The following SLAMF1 variants were observed in gnomAD, a reference collection of about 807,000 sequenced individuals.
SLAMF1 encodes the protein signaling lymphocytic activation molecule.
Under a neutral mutation model 35.1 loss-of-function variants are expected in SLAMF1, and 18 were observed. The observed-to-expected ratio is 0.51, with a 90% confidence interval of 0.35 to 0.76. SLAMF1 has a LOEUF of 0.76. SLAMF1 is among the 30% of genes least tolerant of loss of function. The probability of loss-of-function intolerance (pLI) is 0.01; values close to 1 mark genes in which losing one functional copy is unlikely to be tolerated. For missense variants in SLAMF1, 392 were observed against 413.0 expected, an observed-to-expected ratio of 0.95 and a Z score of 0.44; for synonymous variants, 168 against 157.2, an observed-to-expected ratio of 1.07 and a Z score of -0.51.
chr1:160,638,029 A>G (rs1284071680), intron 1 of SLAMF1, among the ~76,000 whole-genome samples: 1 of 152,198 alleles, frequency 6.6e-6, no homozygotes, highest in African/African-American at 2.4e-5. Flanking sequence ...GGAGTCAGGA[A>G]GTGATAAGCC....
At chr1:160,612,047 T>C (rs1037977767) in intron 6 of SLAMF1, among the ~76,000 whole-genome samples, 1 of 152,134 alleles carries the variant, frequency 6.6e-6, no homozygotes, top group African/African-American at 2.4e-5. Context: ...TGGCTGATTC[T>C]GATGTGGTCC....
At chr1:160,639,531 T>C (rs1660632913) in intron 1 of SLAMF1, among the ~76,000 whole-genome samples, 1 of 152,130 alleles carries the variant, frequency 6.6e-6, no homozygotes, top group Non-Finnish European at 1.5e-5. Context: ...CCAGCCATAC[T>C]CCACACTCAT....
intron 5 of SLAMF1, 71 bp downstream of exon 5, chr1:160,619,705 G>A (rs1659501767): frequency 5.1e-6 from 5 of 988,706 alleles, no homozygotes; most frequent in Non-Finnish European, 3.3e-6. Flanking sequence ...ATGTCCAACA[G>A]GCAAGGTAGA....
intron 2 of SLAMF1, 195 bp downstream of exon 2, chr1:160,636,996 C>T: frequency 1.7e-6 from 1 of 589,046 alleles, no homozygotes; most frequent in Non-Finnish European, 3.0e-6. Flanking sequence ...CAGCTACCAT[C>T]AATATGCAAT....
chr1:160,639,414 A>G (rs749856500), intron 1 of SLAMF1, among the ~76,000 whole-genome samples: 1 of 152,060 alleles, frequency 6.6e-6, no homozygotes, highest in Non-Finnish European at 1.5e-5. Context: ...TTTAGTAAAG[A>G]CGGGGTTTCA....
At chr1:160,615,868 G>A in intron 5 of SLAMF1, 1 of 180,936 alleles carries the variant, frequency 5.5e-6, no homozygotes, top group South Asian at 1.0e-4. Context: ...AAATGCCACG[G>A]AGAGCCTGGA....
Position 160,634,738 on chromosome 1 carries a change from T to C in SLAMF1, c.575A>G (p.His192Arg), listed in dbSNP as rs200883806. ...GGGGCCGAGGGTGAGGGACAGGAGGTGGGAGCTGTTGGCTGGGTTCAGTGG... is the reference window on the plus strand; with the variant it reads ...GGGGCCGAGGGTGAGGGACAGGAGGCGGGAGCTGTTGGCTGGGTTCAGTGG... ...THPLNPANSS[H>R]LLSLTLGPQH... is the part of the protein sequence containing the mutation. The change falls in exon 3 of 7, where the codon CAC (histidine) becomes CGC (arginine). Residue 192 changes from histidine to arginine, a missense_variant. By Grantham distance (29) the His-to-Arg change is conservative. Transcript: ENST00000302035. 194 of 1,613,810 alleles carry C rather than the reference T, an allele frequency of 1.2e-4. No homozygotes were observed. Among genetic ancestry groups the C allele is most frequent in the Non-Finnish European group, 1.6e-4 (186 of 1,179,976 alleles).
At chr1:160,615,442 T>C (rs1250343564) in intron 5 of SLAMF1, among the ~76,000 whole-genome samples, 1 of 152,114 alleles carries the variant, frequency 6.6e-6, no homozygotes, top group Non-Finnish European at 1.5e-5. Context: ...TGTTCACTAA[T>C]ATGTAGAGGA....
chr1:160,637,328 C>T lies in SLAMF1; in HGVS notation c.278G>A (p.Gly93Glu), dbSNP rs150363660. ...CTCCAGATAAAACTTGTAGCGATCT[C>T]CTAGATAACGTGGAGGGCCTGCTTC... ...PSEAGPPRYLGDRYKFYLENL... is the reference protein window; with the variant it reads ...PSEAGPPRYLEDRYKFYLENL... The change falls in exon 2 of 7, where the codon GGA becomes GAA. Residue 93 changes from glycine to glutamate, a missense_variant. Coordinates refer to ENST00000302035, the MANE Select transcript of SLAMF1 (RefSeq NM_003037.5). 4.3e-5 allele frequency: 69 copies of T among 1,613,958 alleles called. No homozygotes were observed. In the Middle Eastern group the frequency reaches 2.0e-3, roughly 46 times the overall value.
Position 160,624,162 on chromosome 1 carries a change from C to T in SLAMF1, c.724G>A (p.Ala242Thr), listed in dbSNP as rs748665810. The T allele has an allele frequency of 2.9e-5, 46 of 1,610,602 alleles. No individual in the cohort carries two copies. Among genetic ancestry groups the T allele is most frequent in the Non-Finnish European group, 3.8e-5 (45 of 1,178,388 alleles). Residue 242 changes from alanine to threonine, a missense_variant, in exon 4 of 7, where the codon GCT becomes ACT. Coordinates refer to ENST00000302035, the MANE Select transcript of SLAMF1 (RefSeq NM_003037.5). Reference sequence around the variant, plus strand: ...ATGATGACACCCCCTAACAGCCCAGCATACACTGCCCATGGTTTTGTTTCT... The same window carrying T: ...ATGATGACACCCCCTAACAGCCCAGTATACACTGCCCATGGTTTTGTTTCT... ...PSETKPWAVY[A>T]GLLGGVIMIL...
intron 2 of SLAMF1, 188 bp downstream of exon 2, chr1:160,637,003 C>G (rs1660485338): frequency 1.7e-6 from 1 of 589,978 alleles, no homozygotes; most frequent in South Asian, 2.1e-5. Context: ...CATCAATATG[C>G]AATTTGGAAA....
intron 2 of SLAMF1, among the ~76,000 whole-genome samples, chr1:160,636,705 C>A (rs752601380): frequency 1.3e-5 from 2 of 152,146 alleles, no homozygotes; most frequent in African/African-American, 2.4e-5. Flanking sequence ...GGTGTGTGGG[C>A]TGAATTTTAG....
chr1:160,633,430 T>C (rs1439652319), intron 3 of SLAMF1, among the ~76,000 whole-genome samples: 2 of 151,614 alleles, frequency 1.3e-5, no homozygotes, highest in South Asian at 2.1e-4. Flanking sequence ...TCCAGGGGAG[T>C]CTCTGTGACA....
chr1:160,641,237 T>A (rs926198190), intron 1 of SLAMF1, among the ~76,000 whole-genome samples: 2 of 152,052 alleles, frequency 1.3e-5, no homozygotes, highest in African/African-American at 4.8e-5. Flanking sequence ...AGATTAAAAA[T>A]TGCTAGCGTA....
intron 2 of SLAMF1, among the ~76,000 whole-genome samples, chr1:160,635,701 A>G (rs1359163938): frequency 2.0e-5 from 3 of 151,062 alleles, no homozygotes; most frequent in African/African-American, 4.9e-5. Flanking sequence ...CCTCCCGAGT[A>G]GCTGGGACTA....
chr1:160,626,190 C>G (rs1377737331), intron 3 of SLAMF1, among the ~76,000 whole-genome samples: 1 of 152,162 alleles, frequency 6.6e-6, no homozygotes, highest in Non-Finnish European at 1.5e-5. Flanking sequence ...AACCAACAGA[C>G]AAAGTAGTAC....
In SLAMF1 at chr1:160,619,809, G is replaced by C. The variant is rs1476266234; in HGVS notation, c.831C>G (p.Ser277Arg). 6.2e-7 allele frequency: 1 copy of C among 1,612,274 alleles called. No individual in the cohort carries two copies. The highest frequency in any genetic ancestry group is 1.7e-5 in the Admixed American group (1 of 60,010). The change falls in exon 5 of 7, where the codon AGC becomes AGG. Residue 277 changes from serine to arginine, a missense_variant. Physicochemically the swap from Ser to Arg is moderately radical, Grantham distance 110. Transcript: ENST00000302035. ...NHYQTTVEKK[S>R]LTIYAQVQKP... is the part of the protein sequence containing the mutation. Reference sequence around the variant, plus strand: ...TCTGGACTTGGGCATAGATCGTAAGGCTTTTTTTTTCCACTGTTGTCTGGT... The same window carrying C: ...TCTGGACTTGGGCATAGATCGTAAGCCTTTTTTTTTCCACTGTTGTCTGGT...
chr1:160,608,429 G>A lies in SLAMF1; in HGVS notation c.*2319C>T, dbSNP rs1658810858. 6.6e-6 allele frequency: 1 copy of A among 152,242 alleles called. No individual in the cohort carries two copies. Among genetic ancestry groups the A allele is most frequent in the South Asian group, 2.1e-4 (1 of 4,830 alleles). The allele number at this position is 152,242 out of a possible 1,614,324, so 9.4% of individuals were successfully genotyped here. On this transcript the variant is annotated 3_prime_UTR_variant, in exon 7 of 7. Coordinates refer to ENST00000302035, the MANE Select transcript of SLAMF1 (RefSeq NM_003037.5). ...TGTTTTAAGTCTGAGGAAAAGGCAA[G>A]CTCCCGCTCCCCATAGTGCCATTTG...
At chr1:160,636,780 C>T (rs576253862) in intron 2 of SLAMF1, among the ~76,000 whole-genome samples, 1 of 152,262 alleles carries the variant, frequency 6.6e-6, no homozygotes, top group African/African-American at 2.4e-5. Flanking sequence ...ATGTGCTAAC[C>T]GCTTCTGGTT....
Sources: allele counts gnomAD v4.1 joint callset (sites outside exome capture counted in the v4.1 genomes callset), GRCh38; gene constraint gnomAD v4.1.1; transcripts MANE v1.5; gene names NCBI Gene and HGNC (gene_info 2026-07-23, HGNC 2026-07-21).